Variants in ESRRG observed in about 807,000 individuals in gnomAD.
The protein encoded by ESRRG is estrogen related receptor gamma.
In ESRRG, 13 loss-of-function variants were observed where a neutral mutation model predicts 44.0. That is an observed-to-expected ratio of 0.30 (90% CI 0.19 to 0.47). The LOEUF is 0.47. Among genes scored for constraint, ESRRG ranks in the 20% least tolerant of loss-of-function variants. The pLI, the probability that ESRRG is intolerant of heterozygous loss-of-function variation, is 1.00. For missense variants in ESRRG, 395 were observed against 580.6 expected (o/e 0.68, Z 3.29); for synonymous variants, 215 against 214.6 (o/e 1.00, Z -0.02).
intron 1 of ESRRG, among the ~76,000 whole-genome samples, chr1:216,714,231 CT>C (rs2084294993): frequency 6.6e-6 from 1 of 152,156 alleles, no homozygotes; most frequent in Non-Finnish European, 1.5e-5. Context: ...TGAAGGCAAT[CT>C]CTTTGGAATT....
At chr1:216,701,590 T>A (rs1034253371) in intron 1 of ESRRG, 1 of 152,200 alleles carries the variant, frequency 6.6e-6, no homozygotes, top group Non-Finnish European at 1.5e-5. Context: ...AGCTGTGACA[T>A]CCCAAAACAA....
chr1:217,049,376 C>T (rs1456112451), intron 1 of ESRRG, among the ~76,000 whole-genome samples: 1 of 152,172 alleles, frequency 6.6e-6, no homozygotes, highest in Non-Finnish European at 1.5e-5. Context: ...CACTGAATTG[C>T]TATCTGCAAG....
rs12026617 is a variant in ESRRG at position 216,672,572 on chromosome 1, A to T, written c.472+4504T>A. 2.4e-3 allele frequency among the ~76,000 whole-genome samples: 372 copies of T among 152,350 alleles called. 10 individuals carry two copies. In the East Asian group the frequency reaches 0.053, roughly 22 times the overall value. Reference sequence around the variant, plus strand: ...ACACACTCGATAACCAATCCTAAAAATAAATTGTTAAAATAAGAAGTAAGA... The same window carrying T: ...ACACACTCGATAACCAATCCTAAAATTAAATTGTTAAAATAAGAAGTAAGA... On this transcript the variant is annotated intron_variant, in intron 2 of 6. Coordinates refer to ENST00000408911, the MANE Select transcript of ESRRG (RefSeq NM_001438.4).
intron 5 of ESRRG, among the ~76,000 whole-genome samples, chr1:216,562,951 T>C (rs1411646720): frequency 1.3e-5 from 2 of 152,160 alleles, no homozygotes; most frequent in East Asian, 3.9e-4. Context: ...TCCTTTCTTT[T>C]TATTTTTCTA....
chr1:217,020,551 C>T (rs760768405), intron 1 of ESRRG, among the ~76,000 whole-genome samples: 12 of 152,194 alleles, frequency 7.9e-5, no homozygotes, highest in Non-Finnish European at 1.6e-4. Context: ...TGACCAGTAT[C>T]TTCTACCCTC....
At chr1:216,768,484 A>ATCTATCTG (rs1553593224) in intron 2 of ESRRG, among the ~76,000 whole-genome samples, 21 of 151,660 alleles carry the variant, frequency 1.4e-4, no homozygotes, top group Admixed American at 2.6e-4. Flanking sequence ...CTATCTATCT[A>ATCTATCTG]TCTATCTATC....
At chr1:217,096,623 T>G (rs1378385062) in intron 1 of ESRRG, among the ~76,000 whole-genome samples, 2 of 107,528 alleles carry the variant, frequency 1.9e-5, no homozygotes, top group Non-Finnish European at 3.9e-5. Flanking sequence ...CAATCACATG[T>G]TTAAAAAGCC....
At chr1:217,065,315 C>T (rs2089443645) in intron 1 of ESRRG, among the ~76,000 whole-genome samples, 1 of 152,182 alleles carries the variant, frequency 6.6e-6, no homozygotes, top group South Asian at 2.1e-4. Flanking sequence ...GGTGTGAAAA[C>T]AGCAAATCTA....
At chr1:216,882,315 GGC>G (rs2096459720) in intron 2 of ESRRG, among the ~76,000 whole-genome samples, 1 of 152,136 alleles carries the variant, frequency 6.6e-6, no homozygotes, top group South Asian at 2.1e-4. Flanking sequence ...ATCCTCCTGT[GGC>G]TCACCAGACT....
At chr1:216,667,118 G>T (rs1170377769) in intron 2 of ESRRG, among the ~76,000 whole-genome samples, 2 of 152,162 alleles carry the variant, frequency 1.3e-5, no homozygotes, top group East Asian at 1.9e-4. Flanking sequence ...GCACCTGAAG[G>T]GCAGCTTTCC....
rs2041153861 is a variant in ESRRG at position 216,506,145 on chromosome 1, G to A, written c.*794C>T. On this transcript the variant is annotated 3_prime_UTR_variant, in exon 7 of 7. Coordinates refer to ENST00000408911, the MANE Select transcript of ESRRG (RefSeq NM_001438.4). ...GGCTGTAACTGATCTAGATGGAAAA[G>A]CAATGATAAGAAGCAGCCGATGCAA... 1.3e-5 allele frequency: 2 copies of A among 153,194 alleles called. No homozygotes were observed. Among genetic ancestry groups the A allele is most frequent in the South Asian group, 4.1e-4 (2 of 4,886 alleles). The allele number at this position is 153,194 out of a possible 1,614,324, so 9.5% of individuals were successfully genotyped here.
chr1:216,693,306 A>T (rs926589539), intron 1 of ESRRG, among the ~76,000 whole-genome samples: 8 of 152,196 alleles, frequency 5.3e-5, no homozygotes, highest in African/African-American at 1.7e-4. Flanking sequence ...TGTGTAATTA[A>T]AGAAAAATAG....
intron 2 of ESRRG, among the ~76,000 whole-genome samples, chr1:216,902,269 A>G (rs147788042): frequency 0.028 from 4,223 of 152,212 alleles, 218 homozygotes; most frequent in African/African-American, 0.095. Flanking sequence ...CGGGCAGATC[A>G]CCTGAGGTCA....
chr1:216,668,306 C>T lies in ESRRG; in HGVS notation c.472+8770G>A, dbSNP rs1167380605. 6.6e-5 allele frequency among the ~76,000 whole-genome samples: 10 copies of T among 152,178 alleles called. No individual in the cohort carries two copies. The East Asian group carries it at 1.9e-3, about 29-fold the overall frequency. On this transcript the variant is annotated intron_variant, in intron 2 of 6. Coordinates refer to ENST00000408911, the MANE Select transcript of ESRRG (RefSeq NM_001438.4). ...ATTAAGTTTTGTTGCAAATTTGTGT[C>T]CATCCTGAATACCATTGGCATATAC... is the stretch of plus-strand genomic sequence containing the variant.
chr1:216,837,892 G>T (rs1189683601), intron 2 of ESRRG, among the ~76,000 whole-genome samples: 3 of 152,186 alleles, frequency 2.0e-5, no homozygotes, highest in South Asian at 2.1e-4. Context: ...ATTGTGAGGT[G>T]TTTTTGTCAT....
At chr1:216,779,437 A>T (rs56386076) in intron 2 of ESRRG, among the ~76,000 whole-genome samples, 5 of 12,564 alleles carry the variant, frequency 4.0e-4, no homozygotes, top group African/African-American at 1.1e-3. Flanking sequence ...TTTATTTATA[A>T]AAATAAATAT....
intron 1 of ESRRG, among the ~76,000 whole-genome samples, chr1:216,984,901 AT>A (rs1424411707): frequency 1.3e-5 from 2 of 152,298 alleles, no homozygotes; most frequent in South Asian, 2.1e-4. Flanking sequence ...CATCAATGAC[AT>A]TTTTTACTTG....
intron 2 of ESRRG, among the ~76,000 whole-genome samples, chr1:216,887,730 A>G (rs1225518211): frequency 1.3e-5 from 2 of 152,152 alleles, no homozygotes; most frequent in Non-Finnish European, 2.9e-5. Context: ...TCTCTGAAAA[A>G]CTACAAGGTA....
intron 2 of ESRRG, among the ~76,000 whole-genome samples, chr1:216,785,271 G>A (rs2094085434): frequency 6.6e-6 from 1 of 152,100 alleles, no homozygotes; most frequent in East Asian, 1.9e-4. Context: ...CACAATTAAG[G>A]CACTTAATGT....
Sources: gnomAD v4.1 joint callset for allele counts (sites outside exome capture counted in the v4.1 genomes callset) on GRCh38, gnomAD v4.1.1 for gene constraint, MANE v1.5 for transcripts, NCBI Gene and HGNC (gene_info 2026-07-23, HGNC 2026-07-21) for gene names.